Variants in ZNF274 observed in about 807,000 individuals in gnomAD.
ZNF274 encodes the protein zinc finger protein 274, also known as neurotrophin receptor-interacting factor homolog.
A neutral mutation model predicts 42.5 loss-of-function variants in ZNF274; 23 were observed. The ratio of observed to expected loss-of-function variants is 0.54; its 90% CI spans 0.39 to 0.77. The LOEUF (loss-of-function observed/expected upper bound fraction) is 0.77, where lower values mean the gene tolerates loss of function less well. ZNF274 is among the 30% of genes least tolerant of loss of function. The pLI, the probability that ZNF274 is intolerant of heterozygous loss-of-function variation, is 0.00. For missense variants in ZNF274, 679 were observed against 806.5 expected (o/e 0.84, Z 1.91); for synonymous variants, 292 against 305.4 (o/e 0.96, Z 0.46).
Position 58,213,024 on chromosome 19 carries a change from G to T in ZNF274, c.1843G>T (p.Gly615Trp), listed in dbSNP as rs531212927. ...CATCAGACATCAGAGGACTCACACC[G>T]GGGAGCGCCCATATGCATGCAACAA... Reference protein sequence around the residue: ...HLIRHQRTHTGERPYACNKCG... With the variant: ...HLIRHQRTHTWERPYACNKCG... The change falls in exon 8 of 8, where the codon GGG (glycine) becomes TGG (tryptophan). Residue 615 changes from glycine (G) to tryptophan (W), a missense_variant. By Grantham distance (184) the Gly-to-Trp change is radical (BLOSUM62 -2). Transcript: ENST00000617501. 3.7e-6 allele frequency: 6 copies of T among 1,613,902 alleles called. No individual in the cohort carries two copies. The highest frequency in any genetic ancestry group is 1.3e-5 in the African/African-American group (1 of 74,918).
chr19:58,185,430 A>C (rs955904396), intron 2 of ZNF274: 4 of 153,384 alleles, frequency 2.6e-5, no homozygotes, highest in Non-Finnish European at 5.8e-5. Flanking sequence ...TCAAAACAAT[A>C]AATAAATAAA....
rs2076064992 is a variant in ZNF274 at position 58,213,200 on chromosome 19, G to GCA, written c.*60_*61dup. ...TCAGCTTGACCCTGCAATATAACAT[G>GCA]CACAGGCCTGCTTGTGAATCAGGAC... On this transcript the variant is annotated 3_prime_UTR_variant, in exon 8 of 8. Transcript: ENST00000617501. 1.8e-5 allele frequency: 27 copies of GCA among 1,537,522 alleles called. No homozygotes were observed. In the South Asian group the frequency reaches 3.3e-4, roughly 19 times the overall value.
Position 58,183,130 on chromosome 19 carries a change from G to C in ZNF274, c.-358G>C, listed in dbSNP as rs929558830. ...CTCCAGCTTCTGCTCTGCCCCAAGAGTGGTCGCCTTCGTGGCAGGGCACGA... is the reference window on the plus strand; with the variant it reads ...CTCCAGCTTCTGCTCTGCCCCAAGACTGGTCGCCTTCGTGGCAGGGCACGA... On this transcript the variant is annotated 5_prime_UTR_variant, in exon 1 of 8. Transcript: ENST00000617501. The C allele has an allele frequency of 6.6e-6, 1 of 152,468 alleles. No homozygotes were observed. Among genetic ancestry groups the C allele is most frequent in the Non-Finnish European group, 1.5e-5 (1 of 68,270 alleles). The allele number at this position is 152,468 out of a possible 1,614,324, so 9.4% of individuals were successfully genotyped here.
At position 58,183,092 on chromosome 19, in the gene ZNF274, G is replaced by T. The variant is rs2075649666; in HGVS notation, c.-396G>T. On this transcript the variant is annotated 5_prime_UTR_variant, in exon 1 of 8. Transcript: ENST00000617501. ...GCACTTCCGGCCTGACCCCTGTCCAGCGCCTTTCCTTTCTCCAGCTTCTGC... is the reference window on the plus strand; with the variant it reads ...GCACTTCCGGCCTGACCCCTGTCCATCGCCTTTCCTTTCTCCAGCTTCTGC... The T allele has an allele frequency of 6.6e-6, 1 of 152,376 alleles. No individual in the cohort carries two copies. The highest frequency in any genetic ancestry group is 1.5e-5 in the Non-Finnish European group (1 of 68,352). 9.4% of individuals were successfully genotyped at this position (152,376 alleles called of 1,614,324 possible). A position where few individuals can be genotyped will look rare whatever the true frequency, so the allele number is the denominator to read the frequency against.
At chr19:58,194,370 C>CTTT (rs1568701207) in intron 4 of ZNF274, among the ~76,000 whole-genome samples, 1 of 107,626 alleles carries the variant, frequency 9.3e-6, no homozygotes, top group African/African-American at 3.6e-5. Context: ...TTGTTTTTTA[C>CTTT]CTTTTTTTTT....
intron 4 of ZNF274, among the ~76,000 whole-genome samples, chr19:58,188,694 G>GTATATATATATATATATATATATATATA (rs71925177): frequency 2.0e-4 from 15 of 74,646 alleles, no homozygotes; most frequent in Non-Finnish European, 2.8e-4. Context: ...ATATGTATAT[G>GTATATATATATATATATATATATATATA]TATATATATA....
In ZNF274 at chr19:58,213,164, A is replaced by T. The variant is rs759183763; in HGVS notation, c.*21A>T. ...CATAGCTCTCAAGCCAGTTGAAGAA[A>T]CCTTGCCTTTTCAGCTTGACCCTGC... On this transcript the variant is annotated 3_prime_UTR_variant, in exon 8 of 8. Transcript: ENST00000617501. The T allele has an allele frequency of 1.9e-6, 3 of 1,584,564 alleles. No individual in the cohort carries two copies. Among genetic ancestry groups the T allele is most frequent in the Non-Finnish European group, 2.6e-6 (3 of 1,164,994 alleles).
Position 58,183,893 on chromosome 19 carries a change from C to T in ZNF274, c.-45-28C>T, listed in dbSNP as rs1464287921. 1.4e-5 allele frequency: 21 copies of T among 1,503,770 alleles called. 1 individual carries two copies. The highest frequency in any genetic ancestry group is 1.7e-4 in the Middle Eastern group (1 of 5,926). The allele number at this position is 1,503,770 out of a possible 1,614,324, so 93.2% of individuals were successfully genotyped here. The stretch of plus-strand genomic sequence containing the variant: ...CCCCAGCGGACACCTTAAGCCTCTC[C>T]CTCCCCTCCCAACTTCGGTTTCCTC... On this transcript the variant is annotated intron_variant, in intron 1 of 7. Coordinates refer to ENST00000617501, the MANE Select transcript of ZNF274 (RefSeq NM_133502.3).
Position 58,212,936 on chromosome 19 carries a change from C to A in ZNF274, c.1755C>A (p.His585Gln), listed in dbSNP as rs1386761893. ...RSAISQHLRT[H>Q]TGAKPYKCQD... ...CCATCTCCCAGCACCTGAGGACTCA[C>A]ACTGGCGCTAAGCCCTACAAGTGTC... The change falls in exon 8 of 8, where the codon CAC (histidine) becomes CAA (glutamine). Residue 585 changes from histidine to glutamine, a missense_variant. Physicochemically the swap from His to Gln is conservative, Grantham distance 24. Around this residue, in one of 2 missense-constraint regions of ZNF274, gnomAD observed 456 missense variants for 590.1 expected, o/e 0.77. Coordinates refer to ENST00000617501, the MANE Select transcript of ZNF274 (RefSeq NM_133502.3). The surrounding 1 kb of genome is among the most constrained non-coding windows in gnomAD (Gnocchi z 4.6). The A allele has an allele frequency of 6.2e-7, 1 of 1,614,042 alleles. No individual in the cohort carries two copies. The highest frequency in any genetic ancestry group is 1.3e-5 in the African/African-American group (1 of 75,056).
intron 4 of ZNF274, among the ~76,000 whole-genome samples, chr19:58,187,727 T>G (rs1166587198): frequency 6.6e-6 from 1 of 151,234 alleles, no homozygotes; most frequent in Non-Finnish European, 1.5e-5. Flanking sequence ...TGGTCTGCTT[T>G]ATTTTATTTA....
intron 4 of ZNF274, among the ~76,000 whole-genome samples, chr19:58,204,248 G>A (rs571130813): frequency 2.8e-4 from 42 of 152,218 alleles, no homozygotes; most frequent in African/African-American, 1.0e-3. Context: ...CCCTGTCAGC[G>A]GGGACTAGGG....
In ZNF274 at chr19:58,183,336, T is replaced by TGAGGCAAGCTGGCGCGCCGCGGGGGC. The variant is rs2075652490; in HGVS notation, c.-150_-125dup. 2 of 152,302 alleles carry TGAGGCAAGCTGGCGCGCCGCGGGGGC rather than the reference T, an allele frequency of 1.3e-5. No homozygotes were observed. The highest frequency in any genetic ancestry group is 4.8e-5 in the African/African-American group (2 of 41,466). 9.4% of individuals were successfully genotyped at this position (152,302 alleles called of 1,614,324 possible). ...GCCAGTCAAGATGGCCGCCGCTGGG[T>TGAGGCAAGCTGGCGCGCCGCGGGGGC]GAGGCAAGCTGGCGCGCCGCGGGGG... On this transcript the variant is annotated 5_prime_UTR_variant, in exon 1 of 8. Coordinates refer to ENST00000617501, the MANE Select transcript of ZNF274 (RefSeq NM_133502.3).
Position 58,211,188 on chromosome 19 carries a change from A to G in ZNF274, c.853-372A>G. 1 of 167,228 alleles carries G rather than the reference A, an allele frequency of 6.0e-6. No individual in the cohort carries two copies. The highest frequency in any genetic ancestry group is 1.3e-5 in the Non-Finnish European group (1 of 78,024). The allele number at this position is 167,228 out of a possible 1,614,324, so 10.4% of individuals were successfully genotyped here. A position where few individuals can be genotyped will look rare whatever the true frequency, so the allele number is the denominator to read the frequency against. On this transcript the variant is annotated intron_variant, in intron 6 of 7. Transcript: ENST00000617501. This position sits in a 1 kb window ranked among gnomAD's most constrained non-coding sequence, Gnocchi z 4.8. ...CTCCCCCAGGTCAGCCCTGTCGACA[A>G]AGGCAGGGGCTTGGTTGTCATTTCC...
At chr19:58,209,859 A>G (rs1439837152) in intron 5 of ZNF274, 102 bp from the exon 6 acceptor site, 2 of 693,492 alleles carry the variant, frequency 2.9e-6, no homozygotes, top group African/African-American at 1.8e-5. Context: ...CCACAGTACG[A>G]TGCAGGGGTG....
At chr19:58,183,579 G>C (rs2075657186) in intron 1 of ZNF274, 137 bp downstream of exon 1, 2 of 190,804 alleles carry the variant, frequency 1.0e-5, no homozygotes, top group East Asian at 2.9e-4. Flanking sequence ...CAGTCCTCCC[G>C]CCGCTCTGTG....
Position 58,213,319 on chromosome 19 carries a change from G to A in ZNF274, c.*176G>A, listed in dbSNP as rs962970323. On this transcript the variant is annotated 3_prime_UTR_variant, in exon 8 of 8. Coordinates refer to ENST00000617501, the MANE Select transcript of ZNF274 (RefSeq NM_133502.3). The stretch of plus-strand genomic sequence containing the variant: ...GCACATAATGAATAAATAAGAAAAT[G>A]AGTGAGGAGTTATTAACATCATTTG... The A allele has an allele frequency of 1.5e-6, 1 of 661,070 alleles. No individual in the cohort carries two copies. Among genetic ancestry groups the A allele is most frequent in the Non-Finnish European group, 2.3e-6 (1 of 439,138 alleles). The allele number at this position is 661,070 out of a possible 1,614,324, so 41.0% of individuals were successfully genotyped here. A position where few individuals can be genotyped will look rare whatever the true frequency, so the allele number is the denominator to read the frequency against.
intron 4 of ZNF274, among the ~76,000 whole-genome samples, chr19:58,188,696 A>ATATGTATATGTATATGTG (rs1189748259): frequency 1.5e-4 from 7 of 46,346 alleles, no homozygotes; most frequent in African/African-American, 4.4e-4. Context: ...ATGTATATGT[A>ATATGTATATGTATATGTG]TATATATATA....
chr19:58,212,117 C>A lies in ZNF274; in HGVS notation c.980-44C>A, dbSNP rs753910842. On this transcript the variant is annotated intron_variant, in intron 7 of 7. Coordinates refer to ENST00000617501, the MANE Select transcript of ZNF274 (RefSeq NM_133502.3). This position sits in a 1 kb window ranked among gnomAD's most constrained non-coding sequence, Gnocchi z 4.6. ...TTTCATGCTCTCAGACCCATCCCAGCACATCTCTCTATGGGATCCACATCT... is the reference window on the plus strand; with the variant it reads ...TTTCATGCTCTCAGACCCATCCCAGAACATCTCTCTATGGGATCCACATCT... 2 of 1,550,832 alleles carry A rather than the reference C, an allele frequency of 1.3e-6. No individual in the cohort carries two copies. Among genetic ancestry groups the A allele is most frequent in the Non-Finnish European group, 1.7e-6 (2 of 1,158,136 alleles).
At position 58,211,671 on chromosome 19, in the gene ZNF274, C is replaced by T. The variant is rs1415644612; in HGVS notation, c.964C>T (p.His322Tyr). ...CGATGTGATGCTGGAGACCTTTGGG[C>T]ACCTGGTCTCTGTGGGTAAGGCTGT... ...YRDVMLETFG[H>Y]LVSVGWETTL... Residue 322 changes from histidine (H) to tyrosine (Y), a missense_variant, in exon 7 of 8, where the codon CAC (histidine) becomes TAC (tyrosine). Physicochemically the swap from His to Tyr is moderately conservative, Grantham distance 83. Transcript: ENST00000617501. The surrounding 1 kb of genome is among the most constrained non-coding windows in gnomAD (Gnocchi z 4.8). 1.2e-6 allele frequency: 2 copies of T among 1,613,054 alleles called. No individual in the cohort carries two copies. Among genetic ancestry groups the T allele is most frequent in the Admixed American group, 1.7e-5 (1 of 59,956 alleles).
Sources: allele counts gnomAD v4.1 joint callset (sites outside exome capture counted in the v4.1 genomes callset), GRCh38; gene constraint gnomAD v4.1.1; regional missense constraint gnomAD v4.1.1; non-coding constraint Gnocchi (gnomAD v3.1); transcripts MANE v1.5; gene names NCBI Gene and HGNC (gene_info 2026-07-23, HGNC 2026-07-21).